Variants in HIPK2 observed in about 807,000 individuals in gnomAD.
The protein encoded by HIPK2 is homeodomain-interacting protein kinase 2.
HIPK2 carries 27 observed loss-of-function variants against 113.7 expected under a neutral mutation model. That is an observed-to-expected ratio of 0.24 (90% CI 0.17 to 0.33). The LOEUF is 0.33. Ranked by LOEUF, HIPK2 falls within the 10% of genes least tolerant of loss-of-function variation. HIPK2 has a pLI of 1.00. For synonymous variants in HIPK2, 631 were observed against 642.2 expected, an observed-to-expected ratio of 0.98 and a Z score of 0.26; for missense variants, 1,257 against 1,588.0, an observed-to-expected ratio of 0.79 and a Z score of 3.54.
At chr7:139,776,644 G>A (rs781716780) in intron 1 of HIPK2, among the ~76,000 whole-genome samples, 1 of 152,116 alleles carries the variant, frequency 6.6e-6, no homozygotes, top group African/African-American at 2.4e-5. Context: ...GTATGTGAAG[G>A]CTGCGATTTC....
At chr7:139,604,359 C>T in intron 9 of HIPK2, 136 bp from the exon 10 acceptor site, 1 of 1,273,972 alleles carries the variant, frequency 7.8e-7, no homozygotes, top group East Asian at 2.4e-5. Context: ...GGTCTCTGGC[C>T]TCAAAAACTA....
Position 139,751,590 on chromosome 7 carries a change from AGATGGATGGATG to A in HIPK2, c.19+26003_19+26014del, listed in dbSNP as rs36202472. 5.0e-3 allele frequency among the ~76,000 whole-genome samples: 736 copies of A among 146,076 alleles called. 8 individuals are homozygous for A. The highest frequency in any genetic ancestry group is 0.018 in the African/African-American group (686 of 38,462). ...TGGATGGATGGATGGTTGGATGGAT[AGATGGATGGATG>A]GATGGATGGATGGATGGATGGATGG... is the stretch of plus-strand genomic sequence containing the variant. On this transcript the variant is annotated intron_variant, in intron 1 of 14. Transcript: ENST00000406875.
chr7:139,745,638 T>G (rs1315776568), intron 1 of HIPK2, among the ~76,000 whole-genome samples: 1 of 152,112 alleles, frequency 6.6e-6, no homozygotes, highest in African/African-American at 2.4e-5. Flanking sequence ...CCTCCTCTTG[T>G]TTTCTCTTTC....
At chr7:139,697,190 C>T (rs1221486184) in intron 2 of HIPK2, among the ~76,000 whole-genome samples, 2 of 152,168 alleles carry the variant, frequency 1.3e-5, no homozygotes, top group Non-Finnish European at 2.9e-5. Flanking sequence ...CCTCCTGCCT[C>T]GCTGTGCACA....
chr7:139,718,306 C>T (rs1344510041), intron 1 of HIPK2, among the ~76,000 whole-genome samples: 1 of 152,212 alleles, frequency 6.6e-6, no homozygotes, highest in East Asian at 1.9e-4. Context: ...TCTGCAAGCC[C>T]TGTTGGGGGT....
intron 2 of HIPK2, among the ~76,000 whole-genome samples, chr7:139,660,085 C>A: frequency 6.6e-6 from 1 of 152,202 alleles, no homozygotes; most frequent in Admixed American, 6.5e-5. Context: ...CACTGGCTGG[C>A]AATACACACT....
At chr7:139,711,400 T>C (rs1795065296) in intron 2 of HIPK2, among the ~76,000 whole-genome samples, 1 of 151,996 alleles carries the variant, frequency 6.6e-6, no homozygotes, top group African/African-American at 2.4e-5. Context: ...TGCACTCCAG[T>C]CTGGGAGACA....
chr7:139,632,457 T>C (rs1800651287), intron 2 of HIPK2, among the ~76,000 whole-genome samples: 1 of 152,280 alleles, frequency 6.6e-6, no homozygotes, highest in Admixed American at 6.5e-5. Context: ...TGCTATTTTT[T>C]ATTAGCTTCT....
intron 1 of HIPK2, among the ~76,000 whole-genome samples, chr7:139,753,851 T>C (rs1176490176): frequency 6.6e-6 from 1 of 152,154 alleles, no homozygotes; most frequent in East Asian, 1.9e-4. Flanking sequence ...AATTGTGAGA[T>C]GGGGAAGGCG....
chr7:139,735,768 G>A (rs1253049796), intron 1 of HIPK2, among the ~76,000 whole-genome samples: 1 of 152,234 alleles, frequency 6.6e-6, no homozygotes. Context: ...GGGGTGAGCT[G>A]AAACACAGAG....
rs201973800 is a variant in HIPK2 at position 139,596,782 on chromosome 7, C to T, written c.2652G>A (p.Thr884=). The T allele has an allele frequency of 7.0e-5, 113 of 1,613,926 alleles. No homozygotes were observed. Among genetic ancestry groups the T allele is most frequent in the South Asian group, 6.9e-4 (63 of 91,084 alleles). The part of the protein sequence containing the change: ...TIVIPDTPSP[T]VSVITISSDT... ...CACTGCTGATGGTGATGACGCTGACCGTGGGGCTGGGAGTGTCGGGAATGA... is the reference window on the plus strand; with the variant it reads ...CACTGCTGATGGTGATGACGCTGACTGTGGGGCTGGGAGTGTCGGGAATGA... The change falls in exon 12 of 15, where the codon ACG becomes ACA. Residue 884 remains threonine (T), a synonymous_variant. Transcript: ENST00000406875.
intron 1 of HIPK2, among the ~76,000 whole-genome samples, chr7:139,770,581 T>G (rs1340705114): frequency 1.3e-5 from 2 of 152,244 alleles, no homozygotes; most frequent in East Asian, 1.9e-4. Context: ...AAGCCAGAAG[T>G]GCTTTCGTAG....
chr7:139,715,515 C>T (rs1452820440), intron 2 of HIPK2, among the ~76,000 whole-genome samples: 2 of 152,244 alleles, frequency 1.3e-5, no homozygotes, highest in Admixed American at 6.5e-5. Flanking sequence ...ACCAGGCTTT[C>T]ACTCACATCT....
In HIPK2 at chr7:139,645,047, A is replaced by G. The variant is rs1801159571; in HGVS notation, c.1104-13322T>C. 1.3e-5 allele frequency among the ~76,000 whole-genome samples: 2 copies of G among 152,256 alleles called. 1 individual carries two copies. Among genetic ancestry groups the G allele is most frequent in the South Asian group, 4.1e-4 (2 of 4,834 alleles). On this transcript the variant is annotated intron_variant, in intron 2 of 14. Transcript: ENST00000406875. The stretch of plus-strand genomic sequence containing the variant: ...TCGACTGGTTCATGGTGAGGCCTCA[A>G]TAAGTGTTTGCTGGATGAATGAATG...
intron 12 of HIPK2, among the ~76,000 whole-genome samples, chr7:139,591,966 A>G (rs902990494): frequency 2.6e-5 from 4 of 152,250 alleles, no homozygotes; most frequent in Non-Finnish European, 5.9e-5. Context: ...TGCCCATGCA[A>G]TAATAAATGA....
chr7:139,689,108 T>TG (rs1794321373), intron 2 of HIPK2, among the ~76,000 whole-genome samples: 1 of 152,192 alleles, frequency 6.6e-6, no homozygotes, highest in Admixed American at 6.5e-5. Flanking sequence ...TCGTGCAGCC[T>TG]GGAGACGCCC....
At chr7:139,770,681 G>A (rs1796635688) in intron 1 of HIPK2, among the ~76,000 whole-genome samples, 1 of 152,188 alleles carries the variant, frequency 6.6e-6, no homozygotes, top group South Asian at 2.1e-4. Flanking sequence ...TCACATATTA[G>A]GCTGCATTCT....
At chr7:139,635,043 T>C (rs1042496897) in intron 2 of HIPK2, among the ~76,000 whole-genome samples, 2 of 152,190 alleles carry the variant, frequency 1.3e-5, no homozygotes, top group South Asian at 2.1e-4. Context: ...GAACCTGCTT[T>C]TCTCTCTGCC....
In HIPK2 at chr7:139,683,358, G is replaced by A. The variant is rs1447214805; in HGVS notation, c.1103+32574C>T. 1.3e-5 allele frequency among the ~76,000 whole-genome samples: 2 copies of A among 152,196 alleles called. No individual in the cohort carries two copies. Among genetic ancestry groups the A allele is most frequent in the East Asian group, 1.9e-4 (1 of 5,200 alleles). On this transcript the variant is annotated intron_variant, in intron 2 of 14. Transcript: ENST00000406875. The surrounding 1 kb of genome is among the most constrained non-coding windows in gnomAD (Gnocchi z 4.2). ...AGTGCTTCAGCAGCGGCCTAGCCGG[G>A]TCTGGTGCAGGGTCCCTCATGAGGC...
Sources: allele counts gnomAD v4.1 joint callset (sites outside exome capture counted in the v4.1 genomes callset), GRCh38; gene constraint gnomAD v4.1.1; non-coding constraint Gnocchi (gnomAD v3.1); transcripts MANE v1.5; gene names NCBI Gene and HGNC (gene_info 2026-07-23, HGNC 2026-07-21).